The following OPCML variants were observed in gnomAD, a reference collection of about 807,000 sequenced individuals.
OPCML encodes the protein opioid binding protein/cell adhesion molecule like.
In OPCML, 13 loss-of-function variants were observed where a neutral mutation model predicts 37.8. That is an observed-to-expected ratio of 0.34 (90% CI 0.22 to 0.55). The LOEUF is 0.55. Ranked by LOEUF, OPCML falls within the 20% of genes least tolerant of loss-of-function variation. The pLI is 0.91. For synonymous variants in OPCML, 176 were observed against 168.8 expected, an observed-to-expected ratio of 1.04 and a Z score of -0.33; for missense variants, 341 against 435.6, an observed-to-expected ratio of 0.78 and a Z score of 1.93.
chr11:132,783,720 A>G (rs529671738), intron 2 of OPCML, among the ~76,000 whole-genome samples: 5 of 151,188 alleles, frequency 3.3e-5, no homozygotes, highest in East Asian at 4.0e-4. Context: ...AATGTAATTT[A>G]CCACTCTTTC....
At chr11:132,520,041 T>G (rs2096288955) in intron 4 of OPCML, among the ~76,000 whole-genome samples, 1 of 152,142 alleles carries the variant, frequency 6.6e-6, no homozygotes, top group Non-Finnish European at 1.5e-5. Context: ...AATGTGGCTT[T>G]GATTTGGAGG....
intron 1 of OPCML, among the ~76,000 whole-genome samples, chr11:133,425,575 CCAA>C (rs1709220140): frequency 6.6e-6 from 1 of 152,148 alleles, no homozygotes; most frequent in Non-Finnish European, 1.5e-5. Context: ...TGTAATAGCT[CCAA>C]CAACTTCTAT....
In OPCML at chr11:132,575,224, A is replaced by C. The variant is rs1435761316; in HGVS notation, c.380-46038T>G. The stretch of plus-strand genomic sequence containing the variant: ...TCTTTTTAAAAAAATCCACTCAGCC[A>C]CTCAATGCGTTTTGATTAAGCTAAG... On this transcript the variant is annotated intron_variant, in intron 3 of 7. Transcript: ENST00000524381. Among the ~76,000 whole-genome samples, 4 of 152,066 alleles carry C rather than the reference A, an allele frequency of 2.6e-5. No homozygotes were observed. In the South Asian group the frequency reaches 8.3e-4, roughly 31 times the overall value.
chr11:133,141,029 ACGACGAC>A (rs1949806986), intron 1 of OPCML, among the ~76,000 whole-genome samples: 1 of 26,798 alleles, frequency 3.7e-5, no homozygotes, highest in African/African-American at 7.0e-5. Context: ...GACGACGACG[ACGACGAC>A]GACGACGACG....
chr11:132,572,095 C>T (rs1274445407), intron 3 of OPCML, among the ~76,000 whole-genome samples: 1 of 149,782 alleles, frequency 6.7e-6, no homozygotes, highest in Admixed American at 6.7e-5. Flanking sequence ...GTATTTAGCC[C>T]ATTTTTAAAT....
chr11:133,091,571 A>G (rs1948906903), intron 1 of OPCML, among the ~76,000 whole-genome samples: 1 of 152,208 alleles, frequency 6.6e-6, no homozygotes, highest in East Asian at 1.9e-4. Flanking sequence ...GTCAAAGAAG[A>G]TTACTCACAA....
intron 7 of OPCML, among the ~76,000 whole-genome samples, chr11:132,423,407 A>G (rs1318218725): frequency 6.6e-6 from 1 of 152,216 alleles, no homozygotes; most frequent in African/African-American, 2.4e-5. Flanking sequence ...CACTTTCCTC[A>G]TACAGATCCT....
intron 4 of OPCML, among the ~76,000 whole-genome samples, chr11:132,492,339 T>A (rs1041044908): frequency 6.6e-6 from 1 of 151,966 alleles, no homozygotes; most frequent in Non-Finnish European, 1.5e-5. Flanking sequence ...GATGCTGCAC[T>A]GATGTGGTGG....
At chr11:133,261,893 T>C (rs1039629396) in intron 1 of OPCML, among the ~76,000 whole-genome samples, 1 of 152,080 alleles carries the variant, frequency 6.6e-6, no homozygotes, top group African/African-American at 2.4e-5. Flanking sequence ...ACCCAGTCAT[T>C]AGGTTAACTC....
intron 1 of OPCML, among the ~76,000 whole-genome samples, chr11:132,969,355 T>G (rs969878147): frequency 7.9e-5 from 12 of 152,204 alleles, no homozygotes; most frequent in African/African-American, 2.9e-4. Flanking sequence ...TTCCAACATT[T>G]TCTTTGTTTT....
chr11:132,679,286 G>A (rs576308932), intron 2 of OPCML, among the ~76,000 whole-genome samples: 11 of 152,112 alleles, frequency 7.2e-5, no homozygotes, highest in South Asian at 4.1e-4. Context: ...ACACAAAAAC[G>A]TATACACAAA....
chr11:133,494,689 G>A (rs2120476773), intron 1 of OPCML, among the ~76,000 whole-genome samples: 1 of 136,412 alleles, frequency 7.3e-6, no homozygotes, highest in African/African-American at 3.1e-5. Flanking sequence ...CATGGACACA[G>A]GAAGGGGAAC....
intron 1 of OPCML, among the ~76,000 whole-genome samples, chr11:133,312,458 G>A (rs899272615): frequency 6.6e-6 from 1 of 152,224 alleles, no homozygotes; most frequent in Non-Finnish European, 1.5e-5. Flanking sequence ...AATGAAATCA[G>A]AGAAGATGAG....
At chr11:132,832,271 T>C (rs1940737410) in intron 2 of OPCML, among the ~76,000 whole-genome samples, 1 of 150,128 alleles carries the variant, frequency 6.7e-6, no homozygotes, top group African/African-American at 2.5e-5. Context: ...GATAGTGTAC[T>C]TAAACTTACA....
rs117383226 is a variant in OPCML, at chr11:132,705,291, G to A, written c.147-47972C>T. Among the ~76,000 whole-genome samples, 616 of 152,120 alleles carry A rather than the reference G, an allele frequency of 4.0e-3. 2 individuals are homozygous for A. The highest frequency in any genetic ancestry group is 7.0e-3 in the Non-Finnish European group (474 of 67,998). ...GAGTGAGTTCTCGGGAGTTCTGGTC[G>A]TTTAAAAGTGTGCGGCTGGCTGGGC... On this transcript the variant is annotated intron_variant, in intron 2 of 7. Coordinates refer to ENST00000524381, the MANE Select transcript of OPCML (RefSeq NM_001012393.5).
chr11:132,813,213 T>C (rs1191702710), intron 2 of OPCML, among the ~76,000 whole-genome samples: 1 of 152,198 alleles, frequency 6.6e-6, no homozygotes, highest in Non-Finnish European at 1.5e-5. Flanking sequence ...TTTTTACAGC[T>C]CAAAGATCAT....
intron 2 of OPCML, among the ~76,000 whole-genome samples, chr11:132,785,390 G>T (rs539021547): frequency 6.6e-6 from 1 of 152,302 alleles, no homozygotes; most frequent in African/African-American, 2.4e-5. Flanking sequence ...GATTGCTTCT[G>T]CATCCAAGCA....
rs183070775 is a variant in OPCML at position 132,645,958 on chromosome 11, G to A, written c.379+11129C>T. Among the ~76,000 whole-genome samples the A allele has an allele frequency of 1.8e-4, 28 of 152,310 alleles. 1 individual carries two copies. The East Asian group carries it at 5.2e-3, about 28-fold the overall frequency. On this transcript the variant is annotated intron_variant, in intron 3 of 7. Transcript: ENST00000524381. ...TCCAGGGAGAAGAACATTAAAGGCA[G>A]ATGAATTCTATGAGAAACGAAGAAG...
chr11:133,180,214 AG>A (rs1209472927), intron 1 of OPCML, among the ~76,000 whole-genome samples: 1 of 152,174 alleles, frequency 6.6e-6, no homozygotes, highest in African/African-American at 2.4e-5. Flanking sequence ...AGCTGGGGCC[AG>A]GGTATTGTCC....
Sources: allele counts gnomAD v4.1 joint callset (sites outside exome capture counted in the v4.1 genomes callset), GRCh38; gene constraint gnomAD v4.1.1; transcripts MANE v1.5; gene names NCBI Gene and HGNC (gene_info 2026-07-23, HGNC 2026-07-21).